The following TRPC5 variants were observed in gnomAD, a reference collection of about 807,000 sequenced individuals.
TRPC5 encodes short transient receptor potential channel 5.
TRPC5 carries 9 observed loss-of-function variants against 56.5 expected under a neutral mutation model. The ratio of observed to expected loss-of-function variants is 0.16; its 90% CI spans 0.10 to 0.28. The LOEUF (loss-of-function observed/expected upper bound fraction) is 0.28, where lower values mean the gene tolerates loss of function less well. TRPC5 is among the 10% of genes least tolerant of loss of function. The pLI is 1.00. For synonymous variants in TRPC5, 282 were observed against 278.5 expected (o/e 1.01, Z -0.13); for missense variants, 469 against 748.9 (o/e 0.63, Z 4.36).
chrX:112,034,817 A>T (rs1929687062), intron 1 of TRPC5, among the ~76,000 whole-genome samples: 1 of 108,069 alleles, frequency 9.3e-6, no homozygotes. Context: ...GTAGTAATGA[A>T]GTTGCTTTCA....
intron 6 of TRPC5, among the ~76,000 whole-genome samples, chrX:111,842,545 C>A (rs1485195581): frequency 8.9e-6 from 1 of 112,095 alleles, no homozygotes; most frequent in Non-Finnish European, 1.9e-5. Flanking sequence ...ATATTCCACC[C>A]AGCAAATACC....
rs778188017 is a variant in TRPC5 at position 112,012,404 on chromosome X, T to C, written c.-21-59963A>G. ...TTTTCTTTTCTTTTTCTTTTTCTTT[T>C]TTTTGATGAAGTTGCAGGCAGCCAG... On this transcript the variant is annotated intron_variant, in intron 1 of 10. Transcript: ENST00000262839. 1.3e-4 allele frequency among the ~76,000 whole-genome samples: 14 copies of C among 111,282 alleles called. No homozygotes were observed. In the East Asian group the frequency reaches 3.9e-3, roughly 31 times the overall value.
intron 1 of TRPC5, among the ~76,000 whole-genome samples, chrX:112,033,957 TG>T (rs752657258): frequency 8.9e-6 from 1 of 112,326 alleles, no homozygotes; most frequent in South Asian, 3.7e-4. Context: ...AGTTTATTTC[TG>T]GACTCTCAAT....
intron 2 of TRPC5, among the ~76,000 whole-genome samples, chrX:111,917,650 T>C (rs190363263): frequency 1.8e-5 from 2 of 112,320 alleles, no homozygotes; most frequent in East Asian, 5.6e-4. Context: ...AATATAGATG[T>C]GAGAGCCTTC....
At chrX:112,017,259 C>T (rs186327309) in intron 1 of TRPC5, among the ~76,000 whole-genome samples, 4 of 111,160 alleles carry the variant, frequency 3.6e-5, no homozygotes, top group African/African-American at 1.3e-4. Context: ...GTGATCCGCC[C>T]GCCTTGGCCT....
At chrX:111,854,934 A>G (rs1923183134) in intron 3 of TRPC5, among the ~76,000 whole-genome samples, 2 of 111,608 alleles carry the variant, frequency 1.8e-5, no homozygotes, top group African/African-American at 6.5e-5. Flanking sequence ...GGCAATCTAC[A>G]AAGTGTCAGT....
intron 6 of TRPC5, among the ~76,000 whole-genome samples, chrX:111,845,957 C>G (rs1019513538): frequency 1.8e-5 from 2 of 112,238 alleles, no homozygotes; most frequent in Admixed American, 9.4e-5. Flanking sequence ...AGATTCCATT[C>G]TCCTGTCTAT....
rs1929617970 is a variant in TRPC5, at chrX:112,032,656, T to C, written c.-22+49223A>G. Reference sequence around the variant, plus strand: ...TATGCCTAGGAGTAGAAATATGGATTCATATGGCATTTCTATGTTTAACTT... The same window carrying C: ...TATGCCTAGGAGTAGAAATATGGATCCATATGGCATTTCTATGTTTAACTT... On this transcript the variant is annotated intron_variant, in intron 1 of 10. Transcript: ENST00000262839. 3.6e-5 allele frequency among the ~76,000 whole-genome samples: 4 copies of C among 112,235 alleles called. No homozygotes were observed. The Admixed American group carries it at 3.8e-4, about 11-fold the overall frequency.
At chrX:112,048,011 CAGT>C (rs1322302236) in intron 1 of TRPC5, among the ~76,000 whole-genome samples, 2 of 112,061 alleles carry the variant, frequency 1.8e-5, no homozygotes, top group Non-Finnish European at 3.8e-5. Context: ...CTCTAGCACC[CAGT>C]ATTATGTCTG....
chrX:111,839,386 G>A (rs763455126), intron 6 of TRPC5, among the ~76,000 whole-genome samples: 23 of 111,794 alleles, frequency 2.1e-4, no homozygotes, highest in South Asian at 3.8e-4. Flanking sequence ...GTGCCTAAGC[G>A]AGAACTTTAG....
intron 1 of TRPC5, among the ~76,000 whole-genome samples, chrX:112,050,759 A>T (rs957254907): frequency 7.2e-5 from 8 of 111,404 alleles, no homozygotes; most frequent in African/African-American, 9.8e-5. Context: ...AAAAAACATT[A>T]TTTTTCTATG....
intron 1 of TRPC5, among the ~76,000 whole-genome samples, chrX:112,008,599 CAA>C (rs771663324): frequency 0.13 from 9,516 of 73,905 alleles, 719 homozygotes; most frequent in African/African-American, 0.28. Context: ...GACTCTGTCT[CAA>C]AAAAAAAAAA....
chrX:111,780,879 C>T (rs923943709), intron 9 of TRPC5, among the ~76,000 whole-genome samples: 1 of 111,695 alleles, frequency 9.0e-6, no homozygotes, highest in African/African-American at 3.2e-5. Flanking sequence ...ATTTGACTGA[C>T]TGACCAACCA....
At chrX:111,997,652 C>CA (rs1928578390) in intron 1 of TRPC5, among the ~76,000 whole-genome samples, 1 of 110,575 alleles carries the variant, frequency 9.0e-6, no homozygotes, top group African/African-American at 3.3e-5. Context: ...TTGGTCTTTT[C>CA]ACGTTGTCCC....
At chrX:112,058,574 A>G (rs12008151) in intron 1 of TRPC5, among the ~76,000 whole-genome samples, 9,350 of 111,374 alleles carry the variant, frequency 0.084, 378 homozygotes, top group African/African-American at 0.15. Context: ...TTATACCAAG[A>G]TTTAAATAAA....
intron 5 of TRPC5, among the ~76,000 whole-genome samples, chrX:111,847,951 C>T (rs1177344395): frequency 9.0e-6 from 1 of 111,683 alleles, no homozygotes; most frequent in Non-Finnish European, 1.9e-5. Context: ...TTCATTCTCA[C>T]TCCCTTGCTG....
rs540673974 is a variant in TRPC5 at position 111,928,325 on chromosome X, T to C, written c.379-15513A>G. On this transcript the variant is annotated intron_variant, in intron 2 of 10. Transcript: ENST00000262839. ...TTTGTGATTGAACTTATGCTCATCA[T>C]GTTAACATCATTCAACTGCAAGCAA... is the stretch of plus-strand genomic sequence containing the variant. Among the ~76,000 whole-genome samples, 14 of 112,116 alleles carry C rather than the reference T, an allele frequency of 1.2e-4. No individual in the cohort carries two copies. The South Asian group carries it at 4.8e-3, about 39-fold the overall frequency.
At chrX:112,010,326 C>A (rs1928958697) in intron 1 of TRPC5, among the ~76,000 whole-genome samples, 1 of 112,208 alleles carries the variant, frequency 8.9e-6, no homozygotes, top group Non-Finnish European at 1.9e-5. Context: ...CAAGTTACTT[C>A]ATCTTTCTCT....
At chrX:111,834,473 C>G (rs1160696657) in intron 7 of TRPC5, among the ~76,000 whole-genome samples, 2 of 110,942 alleles carry the variant, frequency 1.8e-5, no homozygotes, top group Admixed American at 1.9e-4. Flanking sequence ...CTCTGTCTCT[C>G]TCTCAGAAGA....
Sources: allele counts gnomAD v4.1 joint callset (sites outside exome capture counted in the v4.1 genomes callset), GRCh38; gene constraint gnomAD v4.1.1; transcripts MANE v1.5; gene names NCBI Gene and HGNC (gene_info 2026-07-23, HGNC 2026-07-21).